Variants in TMEM38B observed in about 807,000 individuals in gnomAD.
TMEM38B encodes the protein transmembrane protein 38B, also known as trimeric intracellular cation channel type B.
A neutral mutation model predicts 28.7 loss-of-function variants in TMEM38B; 24 were observed. The observed-to-expected ratio is 0.84, with a 90% CI of 0.61 to 1.18. The LOEUF is 1.18. Ranked by LOEUF, TMEM38B falls within the 50% of genes most tolerant of loss-of-function variation. The pLI, the probability that TMEM38B is intolerant of heterozygous loss-of-function variation, is 0.00. For missense variants in TMEM38B, 380 were observed against 350.9 expected (o/e 1.08, Z -0.66); for synonymous variants, 131 against 127.7 (o/e 1.03, Z -0.17).
At chr9:105,723,392 T>A (rs1167872157) in intron 4 of TMEM38B, among the ~76,000 whole-genome samples, 5 of 149,342 alleles carry the variant, frequency 3.3e-5, no homozygotes, top group Admixed American at 3.3e-4. Context: ...CATGCCTGGC[T>A]AATTTTTGTA....
At chr9:105,772,350 C>T (rs1387310092) in intron 5 of TMEM38B, among the ~76,000 whole-genome samples, 1 of 152,182 alleles carries the variant, frequency 6.6e-6, no homozygotes, top group African/African-American at 2.4e-5. Context: ...GTCCTTACAG[C>T]TTTGGCCTTC....
At chr9:105,700,666 A>G (rs1564383309) in intron 1 of TMEM38B, among the ~76,000 whole-genome samples, 1 of 152,168 alleles carries the variant, frequency 6.6e-6, no homozygotes, top group Non-Finnish European at 1.5e-5. Flanking sequence ...AAATCCTGGA[A>G]TAAAGTTTGT....
chr9:105,735,193 T>TCCTTAATTTATATTTTTGTTG (rs1329859463), intron 4 of TMEM38B, among the ~76,000 whole-genome samples: 4 of 152,166 alleles, frequency 2.6e-5, no homozygotes, highest in African/African-American at 9.7e-5. Context: ...ATTTTCCCTA[T>TCCTTAATTTATATTTTTGTTG]CCTTAATTTA....
chr9:105,730,569 G>A (rs1194812450), intron 4 of TMEM38B, among the ~76,000 whole-genome samples: 1 of 152,172 alleles, frequency 6.6e-6, no homozygotes, highest in African/African-American at 2.4e-5. Flanking sequence ...TCAGGATGAT[G>A]CTGGCCTCAT....
chr9:105,729,214 G>T (rs73310844), intron 4 of TMEM38B, among the ~76,000 whole-genome samples: 201 of 152,288 alleles, frequency 1.3e-3, no homozygotes, highest in African/African-American at 4.6e-3. Context: ...ATGGTTTTAG[G>T]TCTAACATTT....
chr9:105,755,395 A>G (rs987692694), intron 5 of TMEM38B, among the ~76,000 whole-genome samples: 1 of 152,178 alleles, frequency 6.6e-6, no homozygotes, highest in African/African-American at 2.4e-5. Context: ...CCATCATGAC[A>G]CACATTTACC....
chr9:105,758,065 G>A (rs1049370125), intron 5 of TMEM38B: 10 of 317,042 alleles, frequency 3.2e-5, no homozygotes, highest in African/African-American at 8.4e-5. Context: ...TCAAATCGGC[G>A]GCAGGGCCAG....
chr9:105,717,798 A>G (rs563032172), intron 2 of TMEM38B, among the ~76,000 whole-genome samples: 72 of 152,302 alleles, frequency 4.7e-4, no homozygotes, highest in Middle Eastern at 3.4e-3. Context: ...TGTTGATGGC[A>G]GTTTTCTTGG....
rs1160264372 is a variant in TMEM38B, at chr9:105,764,327, A to G, written c.661-9538A>G. Among the ~76,000 whole-genome samples the G allele has an allele frequency of 2.0e-5, 3 of 152,266 alleles. No individual in the cohort carries two copies. The South Asian group carries it at 6.2e-4, about 32-fold the overall frequency. On this transcript the variant is annotated intron_variant, in intron 5 of 5. Coordinates refer to ENST00000374692, the MANE Select transcript of TMEM38B (RefSeq NM_018112.3). ...GCAGACGACATGATTGTATATCTAGAAAACCCCATTGTCTCAGCCCGAAAT... is the reference window on the plus strand; with the variant it reads ...GCAGACGACATGATTGTATATCTAGGAAACCCCATTGTCTCAGCCCGAAAT...
At chr9:105,716,706 G>A (rs1185833091) in intron 2 of TMEM38B, among the ~76,000 whole-genome samples, 7 of 122,406 alleles carry the variant, frequency 5.7e-5, no homozygotes, top group East Asian at 7.1e-4. Flanking sequence ...CCTCCTCCTC[G>A]TCAGCCTACT....
At chr9:105,736,973 G>A (rs1837007693) in intron 4 of TMEM38B, among the ~76,000 whole-genome samples, 1 of 152,182 alleles carries the variant, frequency 6.6e-6, no homozygotes, top group South Asian at 2.1e-4. Context: ...GGACTTTTGG[G>A]GTCCTCTAGT....
intron 5 of TMEM38B, among the ~76,000 whole-genome samples, chr9:105,764,947 T>C (rs986722945): frequency 5.3e-5 from 8 of 152,204 alleles, no homozygotes; most frequent in Non-Finnish European, 1.0e-4. Context: ...AACTGTCTGA[T>C]CTTTGACAAA....
At chr9:105,710,935 T>G (rs1835878895) in intron 2 of TMEM38B, among the ~76,000 whole-genome samples, 1 of 152,148 alleles carries the variant, frequency 6.6e-6, no homozygotes, top group South Asian at 2.1e-4. Flanking sequence ...GCCCACCTCC[T>G]ACCTCTGCGC....
intron 4 of TMEM38B, among the ~76,000 whole-genome samples, chr9:105,741,861 C>T (rs1296788679): frequency 1.3e-5 from 2 of 152,220 alleles, no homozygotes; most frequent in African/African-American, 4.8e-5. Flanking sequence ...CTGAGATTCA[C>T]TCTGGAGAGA....
At chr9:105,771,963 A>C (rs576366433) in intron 5 of TMEM38B, among the ~76,000 whole-genome samples, 8 of 152,320 alleles carry the variant, frequency 5.3e-5, no homozygotes, top group South Asian at 2.1e-4. Flanking sequence ...ATCTTCTGGA[A>C]GACAGTTAAT....
At chr9:105,744,537 AT>A (rs1837317286) in intron 4 of TMEM38B, among the ~76,000 whole-genome samples, 1 of 151,928 alleles carries the variant, frequency 6.6e-6, no homozygotes, top group Non-Finnish European at 1.5e-5. Flanking sequence ...AAAGATATTT[AT>A]TGACTGTTTT....
intron 5 of TMEM38B, chr9:105,759,019 G>C (rs764684482): frequency 7.5e-6 from 7 of 927,610 alleles, no homozygotes; most frequent in Non-Finnish European, 1.3e-5. Context: ...AGTAAACATG[G>C]AGTAGTTACA....
intron 2 of TMEM38B, among the ~76,000 whole-genome samples, chr9:105,707,617 G>C (rs558163492): frequency 6.6e-6 from 1 of 152,098 alleles, no homozygotes; most frequent in Non-Finnish European, 1.5e-5. Context: ...GAGTTGTTAC[G>C]ATATGTCAGT....
rs1306794246 is a variant in TMEM38B at position 105,775,372 on chromosome 9, T to A, written c.*1292T>A. 1 of 152,124 alleles carries A rather than the reference T, an allele frequency of 6.6e-6. No homozygotes were observed. Among genetic ancestry groups the A allele is most frequent in the East Asian group, 1.9e-4 (1 of 5,198 alleles). The allele number at this position is 152,124 out of a possible 1,614,324, so 9.4% of individuals were successfully genotyped here. ...TTACTTTATGATTTAGAAGTCCAGT[T>A]ATAATATTAAAACTCTGTGACATAG... On this transcript the variant is annotated 3_prime_UTR_variant, in exon 6 of 6. Transcript: ENST00000374692.
Sources: allele counts gnomAD v4.1 joint callset (sites outside exome capture counted in the v4.1 genomes callset), GRCh38; gene constraint gnomAD v4.1.1; transcripts MANE v1.5; gene names NCBI Gene and HGNC (gene_info 2026-07-23, HGNC 2026-07-21).